The following MAGI2 variants were observed in gnomAD, a reference collection of about 807,000 sequenced individuals.
MAGI2 encodes membrane associated guanylate kinase, WW and PDZ domain containing 2.
Under a neutral mutation model 133.3 loss-of-function variants are expected in MAGI2, and 35 were observed. The ratio of observed to expected loss-of-function variants is 0.26; its 90% confidence interval spans 0.20 to 0.35. The LOEUF (loss-of-function observed/expected upper bound fraction) is 0.35, where lower values mean the gene tolerates loss of function less well. Ranked by LOEUF, MAGI2 falls within the 10% of genes least tolerant of loss-of-function variation. The pLI is 1.00. For synonymous variants in MAGI2, 729 were observed against 710.6 expected, an observed-to-expected ratio of 1.03 and a Z score of -0.41; for missense variants, 1,636 against 1,863.4, an observed-to-expected ratio of 0.88 and a Z score of 2.25.
intron 3 of MAGI2, among the ~76,000 whole-genome samples, chr7:78,606,186 C>G (rs74462810): frequency 0.02 from 3,079 of 151,922 alleles, 70 homozygotes; most frequent in African/African-American, 0.053. Flanking sequence ...CTGAGAAGGT[C>G]ATGTGCTCAG....
intron 8 of MAGI2, chr7:78,345,430 G>A (rs1185481826): frequency 6.5e-6 from 1 of 154,072 alleles, no homozygotes; most frequent in Non-Finnish European, 1.4e-5. Flanking sequence ...CCCGCAAGCA[G>A]CCCTGGGACA....
At chr7:79,113,303 G>A (rs1383801500) in intron 1 of MAGI2, among the ~76,000 whole-genome samples, 1 of 152,188 alleles carries the variant, frequency 6.6e-6, no homozygotes, top group Admixed American at 6.5e-5. Flanking sequence ...TTCCCATGGT[G>A]AGCTATTTCT....
rs1034598947 is a variant in MAGI2, at chr7:78,834,742, G to T, written c.418+172348C>A. On this transcript the variant is annotated intron_variant, in intron 2 of 21. Transcript: ENST00000354212. ...CAAATTGCATATTGAAATGTAATCCGCAATGTTGGAAGTAGGTCCTGGTGG... is the reference window on the plus strand; with the variant it reads ...CAAATTGCATATTGAAATGTAATCCTCAATGTTGGAAGTAGGTCCTGGTGG... Among the ~76,000 whole-genome samples the T allele has an allele frequency of 2.0e-4, 30 of 152,084 alleles. 1 individual carries two copies. The highest frequency in any genetic ancestry group is 6.5e-4 in the African/African-American group (27 of 41,414).
At chr7:78,711,279 C>CAA (rs1819160267) in intron 2 of MAGI2, among the ~76,000 whole-genome samples, 1 of 151,986 alleles carries the variant, frequency 6.6e-6, no homozygotes, top group South Asian at 2.1e-4. Flanking sequence ...GTGTCAAAGA[C>CAA]AAGCAAATAG....
intron 2 of MAGI2, among the ~76,000 whole-genome samples, chr7:78,943,696 A>G (rs184109157): frequency 1.4e-3 from 212 of 152,306 alleles, no homozygotes; most frequent in Non-Finnish European, 2.3e-3. Context: ...TCCTTTGCAT[A>G]CTATAAAGGA....
At chr7:78,471,088 T>G (rs1254125826) in intron 6 of MAGI2, among the ~76,000 whole-genome samples, 2 of 152,122 alleles carry the variant, frequency 1.3e-5, no homozygotes, top group East Asian at 3.9e-4. Context: ...GAGTGCCAAT[T>G]ATATTGTGTT....
At chr7:78,136,803 G>A (rs1056757835) in intron 16 of MAGI2, among the ~76,000 whole-genome samples, 2 of 152,190 alleles carry the variant, frequency 1.3e-5, no homozygotes, top group Admixed American at 6.5e-5. Context: ...ACAGCGAAAG[G>A]CAGAACATTA....
intron 1 of MAGI2, chr7:79,012,297 T>C (rs1240925801): frequency 6.6e-6 from 1 of 152,136 alleles, no homozygotes; most frequent in Non-Finnish European, 1.5e-5. Context: ...TTTGCTATTA[T>C]CCATGGAATT....
At chr7:78,098,608 T>A (rs1817929497) in intron 20 of MAGI2, among the ~76,000 whole-genome samples, 2 of 152,290 alleles carry the variant, frequency 1.3e-5, no homozygotes, top group Admixed American at 1.3e-4. Flanking sequence ...ACGAGATCTA[T>A]ATACATAGCA....
chr7:79,445,509 A>G (rs1335859121), intron 1 of MAGI2, among the ~76,000 whole-genome samples: 15 of 152,258 alleles, frequency 9.9e-5, no homozygotes, highest in Non-Finnish European at 2.1e-4. Flanking sequence ...GGCAAAGGAT[A>G]TGAACAGACA....
At chr7:78,793,359 C>G (rs1787333979) in intron 2 of MAGI2, among the ~76,000 whole-genome samples, 1 of 152,168 alleles carries the variant, frequency 6.6e-6, no homozygotes, top group Admixed American at 6.6e-5. Flanking sequence ...ACAACTTCCG[C>G]AGGGGTTGCA....
At chr7:78,343,537 T>C (rs1482998000) in intron 9 of MAGI2, among the ~76,000 whole-genome samples, 1 of 152,308 alleles carries the variant, frequency 6.6e-6, no homozygotes, top group East Asian at 1.9e-4. Flanking sequence ...CAAGAGTCCA[T>C]TGAATCCAGC....
At chr7:78,720,379 T>G (rs1286050058) in intron 2 of MAGI2, among the ~76,000 whole-genome samples, 7 of 152,142 alleles carry the variant, frequency 4.6e-5, no homozygotes, top group African/African-American at 1.7e-4. Flanking sequence ...GGATCTCATC[T>G]TATGGATGAA....
At chr7:78,211,837 G>C (rs1787794680) in intron 10 of MAGI2, among the ~76,000 whole-genome samples, 1 of 152,054 alleles carries the variant, frequency 6.6e-6, no homozygotes, top group Non-Finnish European at 1.5e-5. Context: ...ATGCTTTTGA[G>C]CTGCCTTATG....
chr7:78,193,203 A>T (rs528727407), intron 12 of MAGI2, among the ~76,000 whole-genome samples: 6 of 152,202 alleles, frequency 3.9e-5, no homozygotes, highest in Non-Finnish European at 8.8e-5. Flanking sequence ...CTGAATCACA[A>T]AGCTTTGCAT....
At chr7:79,154,651 T>C (rs73369398) in intron 1 of MAGI2, among the ~76,000 whole-genome samples, 50 of 152,228 alleles carry the variant, frequency 3.3e-4, no homozygotes, top group African/African-American at 1.2e-3. Flanking sequence ...AAGCTGGCAA[T>C]AACATTACCT....
chr7:78,482,890 CACACACACACACACACACACACACACA>C (rs1792559631), intron 6 of MAGI2, among the ~76,000 whole-genome samples: 1 of 148,542 alleles, frequency 6.7e-6, no homozygotes, highest in Admixed American at 6.7e-5. Context: ...CACACACACA[CACACACACACACACACACACACACACA>C]CACACACGAG....
intron 3 of MAGI2, among the ~76,000 whole-genome samples, chr7:78,612,471 A>T (rs986200173): frequency 7.9e-5 from 12 of 152,180 alleles, no homozygotes; most frequent in African/African-American, 2.9e-4. Flanking sequence ...AAATTAAAAA[A>T]TAACATTAGA....
chr7:79,063,652 T>A lies in MAGI2; in HGVS notation c.302-56446A>T, dbSNP rs140849018. Reference sequence around the variant, plus strand: ...TATTTAAGCTACTCTGTATTTTTCATACTTTATCGCTGAAATCAAACAGTT... The same window carrying A: ...TATTTAAGCTACTCTGTATTTTTCAAACTTTATCGCTGAAATCAAACAGTT... On this transcript the variant is annotated intron_variant, in intron 1 of 21. Transcript: ENST00000354212. Among the ~76,000 whole-genome samples, 906 of 152,240 alleles carry A rather than the reference T, an allele frequency of 6.0e-3. 7 individuals are homozygous for A. Among genetic ancestry groups the A allele is most frequent in the Non-Finnish European group, 7.8e-3 (531 of 68,004 alleles).
Sources: allele counts gnomAD v4.1 joint callset (sites outside exome capture counted in the v4.1 genomes callset), GRCh38; gene constraint gnomAD v4.1.1; transcripts MANE v1.5; gene names NCBI Gene and HGNC (gene_info 2026-07-23, HGNC 2026-07-21).